The following TNS1 variants were observed in gnomAD, a reference collection of about 807,000 sequenced individuals.
TNS1 encodes tensin-1.
Under a neutral mutation model 168.6 loss-of-function variants are expected in TNS1, and 62 were observed. The observed-to-expected ratio is 0.37, with a 90% CI of 0.30 to 0.45. The LOEUF (loss-of-function observed/expected upper bound fraction) is 0.45. Ranked by LOEUF, TNS1 falls within the 20% of genes least tolerant of loss-of-function variation. The pLI is 1.00. For synonymous variants in TNS1, 934 were observed against 933.2 expected, an observed-to-expected ratio of 1.00 and a Z score of -0.02; for missense variants, 2,240 against 2,339.4, an observed-to-expected ratio of 0.96 and a Z score of 0.88.
intron 10 of TNS1, 113 bp from the exon 11 acceptor site, chr2:217,893,125 T>C: frequency 7.5e-7 from 1 of 1,339,352 alleles, no homozygotes; most frequent in Non-Finnish European, 1.0e-6. Flanking sequence ...GGGGTGTGGA[T>C]TTAAGGGAGA....
intron 28 of TNS1, among the ~76,000 whole-genome samples, chr2:217,811,021 G>T (rs1381516803): frequency 6.6e-6 from 1 of 152,052 alleles, no homozygotes; most frequent in East Asian, 1.9e-4. Flanking sequence ...TGGGACTACA[G>T]GCATGAGCCA....
chr2:218,008,891 GT>G (rs145851660), intron 1 of TNS1, among the ~76,000 whole-genome samples: 4,570 of 149,386 alleles, frequency 0.031, 194 homozygotes, highest in East Asian at 0.17. Flanking sequence ...TAATATCCCT[GT>G]TTTTTTTTTA....
At chr2:217,997,317 C>T (rs1958489059) in intron 1 of TNS1, among the ~76,000 whole-genome samples, 1 of 152,184 alleles carries the variant, frequency 6.6e-6, no homozygotes, top group Non-Finnish European at 1.5e-5. Context: ...CCAAGAATGT[C>T]CATGAGAGCC....
At chr2:217,984,191 C>A (rs1308240311) in intron 2 of TNS1, among the ~76,000 whole-genome samples, 1 of 152,170 alleles carries the variant, frequency 6.6e-6, no homozygotes, top group Non-Finnish European at 1.5e-5. Context: ...TTAAATAAAT[C>A]TCTTTTTTTC....
intron 4 of TNS1, among the ~76,000 whole-genome samples, chr2:217,912,373 C>T (rs1352781669): frequency 2.0e-5 from 3 of 152,222 alleles, no homozygotes; most frequent in African/African-American, 7.2e-5. Flanking sequence ...TCCGGAAATT[C>T]CTTACACCCT....
rs1391252430 is a variant in TNS1 at position 217,818,775 on chromosome 2, A to G, written c.3573-16T>C. ...CACTGAAGTGCTGCAGAGAGATGGCAGGTTGCGATGTCAGTGGACAGAACT... is the reference window on the plus strand; with the variant it reads ...CACTGAAGTGCTGCAGAGAGATGGCGGGTTGCGATGTCAGTGGACAGAACT... On this transcript the variant is annotated splice_polypyrimidine_tract_variant and intron_variant, in intron 23 of 32. Transcript: ENST00000682258. 1.3e-6 allele frequency: 2 copies of G among 1,591,206 alleles called. No homozygotes were observed. Among genetic ancestry groups the G allele is most frequent in the Admixed American group, 1.7e-5 (1 of 59,310 alleles).
chr2:217,870,981 G>A (rs953877350), intron 18 of TNS1, among the ~76,000 whole-genome samples: 3 of 152,202 alleles, frequency 2.0e-5, no homozygotes, highest in Non-Finnish European at 2.9e-5. Flanking sequence ...GTCAGGAGAG[G>A]ACTCCCCTCT....
intron 3 of TNS1, among the ~76,000 whole-genome samples, chr2:217,960,666 G>A (rs761595943): frequency 9.9e-5 from 15 of 152,050 alleles, no homozygotes; most frequent in Non-Finnish European, 1.9e-4. Flanking sequence ...GCCTTTCCCC[G>A]CCCAACACAA....
At chr2:217,921,490 C>A (rs146965836) in intron 3 of TNS1, among the ~76,000 whole-genome samples, 2 of 152,328 alleles carry the variant, frequency 1.3e-5, no homozygotes, top group African/African-American at 2.4e-5. Flanking sequence ...GTCATCCCAG[C>A]AGCCCAGGGA....
At chr2:217,885,900 A>G (rs781505574) in intron 14 of TNS1, 81 bp from the exon 15 acceptor site, 140 of 1,550,570 alleles carry the variant, frequency 9.0e-5, no homozygotes, top group Non-Finnish European at 1.2e-4. Context: ...TGCTGCCCCT[A>G]CGCCACAGGG....
Position 218,002,988 on chromosome 2 carries a change from C to A in TNS1, c.-116G>T, listed in dbSNP as rs1399836959. The A allele has an allele frequency of 1.3e-5, 6 of 452,968 alleles. No individual in the cohort carries two copies. In the East Asian group the frequency reaches 4.2e-4, roughly 32 times the overall value. 28.1% of individuals were successfully genotyped at this position (452,968 alleles called of 1,614,324 possible). A position where few individuals can be genotyped will look rare whatever the true frequency, so the allele number is the denominator to read the frequency against. The stretch of plus-strand genomic sequence containing the variant: ...GAGTCCGCGGCTGCTCCGGCTCCGC[C>A]AGCATCTGCTGGGCCTCTCGCCCTG... On this transcript the variant is annotated 5_prime_UTR_variant, in exon 1 of 33. Transcript: ENST00000682258.
At chr2:218,001,264 T>C (rs1342476565) in intron 1 of TNS1, among the ~76,000 whole-genome samples, 2 of 152,104 alleles carry the variant, frequency 1.3e-5, no homozygotes, top group Admixed American at 6.5e-5. Flanking sequence ...ATAACACCCA[T>C]AGGGCACTCT....
chr2:218,012,757 G>A (rs1328004677), upstream of TNS1, among the ~76,000 whole-genome samples: 2 of 152,112 alleles, frequency 1.3e-5, no homozygotes, highest in African/African-American at 4.8e-5. Context: ...GAATCCCAAG[G>A]ATAACAGCTG....
intron 3 of TNS1, among the ~76,000 whole-genome samples, chr2:217,961,863 A>C (rs1957504808): frequency 6.6e-6 from 1 of 152,230 alleles, no homozygotes; most frequent in African/African-American, 2.4e-5. Context: ...CTACAGTCAG[A>C]TTAATGTCTA....
chr2:217,861,561 T>C (rs1244303779), intron 18 of TNS1, among the ~76,000 whole-genome samples: 1 of 152,222 alleles, frequency 6.6e-6, no homozygotes, highest in Non-Finnish European at 1.5e-5. Context: ...TTCTCATCAC[T>C]TCAGCATCTG....
At position 217,885,691 on chromosome 2, in the gene TNS1, G is replaced by A. The variant is rs921012712; in HGVS notation, c.1116+53C>T. ...AAGAGGCAGGAAAGGAGTAAGAAAA[G>A]AAGGGAGAGAAAATAAACAAGGATG... On this transcript the variant is annotated intron_variant, in intron 15 of 32. Coordinates refer to ENST00000682258, the MANE Select transcript of TNS1 (RefSeq NM_001387777.1). 5.1e-6 allele frequency: 8 copies of A among 1,568,000 alleles called. No homozygotes were observed. The African/African-American group carries it at 9.8e-5, about 19-fold the overall frequency.
rs572896299 is a variant in TNS1, at chr2:218,018,895, G to A, written c.156+14925C>T. Among the ~76,000 whole-genome samples the A allele has an allele frequency of 2.2e-4, 33 of 152,224 alleles. 1 individual carries two copies. The South Asian group carries it at 6.4e-3, about 30-fold the overall frequency. ...AATTTGAGACCAGCCTTGCCCGCAT[G>A]GTGAAACTCCATCTCTACTAAAAAT... On this transcript the variant is annotated intron_variant, in intron 1 of 1. Coordinates refer to the TNS1 transcript ENST00000649572.
chr2:217,921,807 T>C (rs1280871622), intron 3 of TNS1, among the ~76,000 whole-genome samples: 1 of 152,204 alleles, frequency 6.6e-6, no homozygotes, highest in African/African-American at 2.4e-5. Flanking sequence ...TTATAAATGC[T>C]TTACCTCTGT....
chr2:217,991,721 C>G (rs1376956107), intron 1 of TNS1, among the ~76,000 whole-genome samples: 1 of 152,100 alleles, frequency 6.6e-6, no homozygotes, highest in Non-Finnish European at 1.5e-5. Flanking sequence ...GATGGGCCTT[C>G]GCTTCTCTAA....
Sources: allele counts gnomAD v4.1 joint callset (sites outside exome capture counted in the v4.1 genomes callset), GRCh38; gene constraint gnomAD v4.1.1; transcripts MANE v1.5; gene names NCBI Gene and HGNC (gene_info 2026-07-23, HGNC 2026-07-21).